The following XKR9 variants were observed in gnomAD, a reference collection of about 807,000 sequenced individuals.
XKR9 encodes XK related 9, also known as XK-related protein 9.
A neutral mutation model predicts 32.0 loss-of-function variants in XKR9; 32 were observed. The observed-to-expected ratio is 1.00, with a 90% CI of 0.76 to 1.34. The LOEUF (loss-of-function observed/expected upper bound fraction) is 1.34. XKR9 is among the 40% of genes most tolerant of loss of function. The pLI is 0.00. For synonymous variants in XKR9, 168 were observed against 143.4 expected, an observed-to-expected ratio of 1.17 and a Z score of -1.22; for missense variants, 546 against 429.7, an observed-to-expected ratio of 1.27 and a Z score of -2.39.
intron 2 of XKR9, among the ~76,000 whole-genome samples, chr8:70,680,055 G>T (rs1819022756): frequency 6.6e-6 from 1 of 151,712 alleles, no homozygotes; most frequent in Admixed American, 6.6e-5. Context: ...AACTGAAGTT[G>T]CATTTGCTTC....
At chr8:70,950,758 C>T in the XKR9 span, among the ~76,000 whole-genome samples, 248 of 152,254 alleles carry the variant, frequency 1.6e-3, 1 homozygote, top group African/African-American at 5.8e-3. Context: ...ACTGCAACCT[C>T]CACCTCTGGG....
the XKR9 span, among the ~76,000 whole-genome samples, chr8:70,870,834 A>G: frequency 1.3e-5 from 2 of 152,224 alleles, no homozygotes; most frequent in African/African-American, 4.8e-5. Flanking sequence ...AACTTGAACC[A>G]TGTGATTCTG....
chr8:70,805,088 T>C, the XKR9 span, among the ~76,000 whole-genome samples: 7 of 152,166 alleles, frequency 4.6e-5, no homozygotes, highest in Non-Finnish European at 7.3e-5. Flanking sequence ...GTATCCAGAT[T>C]GTCTTATCAG....
At chr8:70,895,444 T>C in the XKR9 span, among the ~76,000 whole-genome samples, 21 of 152,330 alleles carry the variant, frequency 1.4e-4, no homozygotes, top group South Asian at 4.1e-3. Context: ...TCTCTCTTAA[T>C]TTGGCTATTC....
the XKR9 span, among the ~76,000 whole-genome samples, chr8:70,802,385 T>A: frequency 6.6e-6 from 1 of 152,160 alleles, no homozygotes; most frequent in African/African-American, 2.4e-5. Flanking sequence ...GCATGTGGAG[T>A]GGGTCTCCTG....
At chr8:70,713,122 G>A (rs1805975267) in intron 4 of XKR9, among the ~76,000 whole-genome samples, 1 of 152,048 alleles carries the variant, frequency 6.6e-6, no homozygotes, top group South Asian at 2.1e-4. Context: ...GAAATAAGTA[G>A]AACTTACTGA....
chr8:70,821,326 AG>A, the XKR9 span, among the ~76,000 whole-genome samples: 2 of 152,218 alleles, frequency 1.3e-5, no homozygotes, highest in Non-Finnish European at 2.9e-5. Context: ...GTGGCTTTGC[AG>A]GGTACAGCCC....
intron 2 of XKR9, among the ~76,000 whole-genome samples, chr8:70,760,494 A>T (rs898348666): frequency 2.6e-5 from 4 of 152,174 alleles, no homozygotes; most frequent in African/African-American, 7.2e-5. Flanking sequence ...GGTAAAATAT[A>T]TGCAACATAA....
chr8:70,814,911 G>A, the XKR9 span, among the ~76,000 whole-genome samples: 2 of 152,142 alleles, frequency 1.3e-5, no homozygotes. Context: ...GTATATAAAA[G>A]CAGTGTTCCA....
chr8:70,699,569 C>T (rs1305033297), intron 3 of XKR9, among the ~76,000 whole-genome samples: 2 of 152,198 alleles, frequency 1.3e-5, no homozygotes, highest in Admixed American at 6.5e-5. Context: ...GTCTGATGGG[C>T]TTCCCTTTGT....
At chr8:70,866,514 G>A in the XKR9 span, among the ~76,000 whole-genome samples, 1 of 152,180 alleles carries the variant, frequency 6.6e-6, no homozygotes, top group Non-Finnish European at 1.5e-5. Context: ...AGGCATTTCT[G>A]CTGAGTTTGA....
chr8:70,749,413 G>C (rs1807103208), intron 2 of XKR9, among the ~76,000 whole-genome samples: 1 of 146,628 alleles, frequency 6.8e-6, no homozygotes, highest in Non-Finnish European at 1.5e-5. Flanking sequence ...GGAGTTCTGT[G>C]GTTACCTGTG....
the XKR9 span, among the ~76,000 whole-genome samples, chr8:70,974,330 T>G: frequency 6.6e-6 from 1 of 152,056 alleles, no homozygotes; most frequent in African/African-American, 2.4e-5. Flanking sequence ...GCTGTGTTGG[T>G]TTGCTGCACC....
chr8:70,695,554 C>A (rs1173023352), intron 3 of XKR9, among the ~76,000 whole-genome samples: 1 of 151,952 alleles, frequency 6.6e-6, no homozygotes, highest in African/African-American at 2.4e-5. Context: ...ATATGTGCCA[C>A]ATTTTCTTAA....
chr8:70,718,416 T>G (rs1343430428), intron 4 of XKR9, among the ~76,000 whole-genome samples: 1 of 152,144 alleles, frequency 6.6e-6, no homozygotes, highest in East Asian at 1.9e-4. Context: ...TATCCCATCA[T>G]CTAGGTTTTA....
At chr8:70,754,713 T>C (rs538381698) in intron 2 of XKR9, among the ~76,000 whole-genome samples, 1 of 150,926 alleles carries the variant, frequency 6.6e-6, no homozygotes, top group Admixed American at 6.6e-5. Context: ...TAGCCATATG[T>C]AGAAAGCTGA....
the XKR9 span, among the ~76,000 whole-genome samples, chr8:70,801,974 G>A: frequency 3.0e-3 from 438 of 145,268 alleles, 3 homozygotes; most frequent in African/African-American, 0.01. Flanking sequence ...TTGCTCTGTC[G>A]CCCAGAGACT....
At chr8:70,909,766 T>C in the XKR9 span, among the ~76,000 whole-genome samples, 2 of 135,042 alleles carry the variant, frequency 1.5e-5, no homozygotes, top group African/African-American at 2.7e-5. Flanking sequence ...TGGAATACAG[T>C]GGCATGATCT....
chr8:71,065,515 G>A, the XKR9 span, among the ~76,000 whole-genome samples: 1 of 152,210 alleles, frequency 6.6e-6, no homozygotes, highest in Admixed American at 6.5e-5. Flanking sequence ...CCCAGGCTAT[G>A]GTATTTTGTT....
Sources: gnomAD v4.1 joint callset for allele counts (sites outside exome capture counted in the v4.1 genomes callset) on GRCh38, gnomAD v4.1.1 for gene constraint, MANE v1.5 for transcripts, NCBI Gene and HGNC (gene_info 2026-07-23, HGNC 2026-07-21) for gene names.